MMP16: variants seen among roughly 807,000 people sequenced by gnomAD.
MMP16 encodes matrix metalloproteinase-16.
In MMP16, 12 loss-of-function variants were observed where a neutral mutation model predicts 67.8. The observed-to-expected ratio is 0.18, with a 90% CI of 0.11 to 0.29. MMP16 has a LOEUF of 0.29. MMP16 is among the 10% of genes least tolerant of loss of function. The pLI is 1.00. For missense variants in MMP16, 475 were observed against 765.7 expected (o/e 0.62, Z 4.48); for synonymous variants, 249 against 255.9 (o/e 0.97, Z 0.26).
chr8:88,166,279 TA>T (rs1563551603), intron 4 of MMP16, among the ~76,000 whole-genome samples: 1 of 152,058 alleles, frequency 6.6e-6, no homozygotes, highest in Non-Finnish European at 1.5e-5. Context: ...TGTACACTTA[TA>T]GTTGAATAAC....
chr8:88,249,307 C>A (rs915420865), intron 1 of MMP16, among the ~76,000 whole-genome samples: 1 of 152,004 alleles, frequency 6.6e-6, no homozygotes, highest in Non-Finnish European at 1.5e-5. Flanking sequence ...TGTAATAAGT[C>A]CTGATCAAAT....
chr8:88,221,563 G>T (rs1164194526), intron 1 of MMP16, among the ~76,000 whole-genome samples: 1 of 151,442 alleles, frequency 6.6e-6, no homozygotes, highest in Admixed American at 6.6e-5. Flanking sequence ...CCAGAGAGAA[G>T]AGAATTCTAC....
At chr8:88,102,857 T>C (rs1417438125) in intron 6 of MMP16, among the ~76,000 whole-genome samples, 1 of 151,888 alleles carries the variant, frequency 6.6e-6, no homozygotes, top group Non-Finnish European at 1.5e-5. Context: ...GTCTTCACTC[T>C]TGCCTTTTGG....
intron 4 of MMP16, among the ~76,000 whole-genome samples, chr8:88,136,750 T>C (rs2118490745): frequency 6.6e-6 from 1 of 151,884 alleles, no homozygotes; most frequent in Non-Finnish European, 1.5e-5. Context: ...AAATAAATGG[T>C]TTATATTTTT....
chr8:88,084,478 A>G (rs550340791), intron 6 of MMP16, among the ~76,000 whole-genome samples: 3 of 152,074 alleles, frequency 2.0e-5, no homozygotes, highest in South Asian at 2.1e-4. Flanking sequence ...AAAAAAAAAG[A>G]AAAGAGGCTG....
chr8:88,277,032 A>T (rs1427643855), intron 1 of MMP16, among the ~76,000 whole-genome samples: 2 of 152,150 alleles, frequency 1.3e-5, no homozygotes, highest in African/African-American at 4.8e-5. Context: ...TATATTGGAT[A>T]TTATTAAAAT....
intron 1 of MMP16, among the ~76,000 whole-genome samples, chr8:88,249,308 C>G (rs1364172214): frequency 6.6e-6 from 1 of 152,014 alleles, no homozygotes. Flanking sequence ...GTAATAAGTC[C>G]TGATCAAATA....
intron 4 of MMP16, among the ~76,000 whole-genome samples, chr8:88,165,026 C>T (rs1808688620): frequency 1.3e-5 from 2 of 151,136 alleles, no homozygotes; most frequent in South Asian, 4.2e-4. Flanking sequence ...AGATTTTTTC[C>T]CCAAAACATT....
intron 1 of MMP16, among the ~76,000 whole-genome samples, chr8:88,289,150 A>G (rs1388206743): frequency 6.6e-6 from 1 of 152,146 alleles, no homozygotes; most frequent in Non-Finnish European, 1.5e-5. Context: ...AGAGAGAGAG[A>G]CAGAAGAAGA....
Position 88,197,247 on chromosome 8 carries a change from G to A in MMP16, c.192C>T (p.Arg64=), listed in dbSNP as rs770768930. Reference sequence around the variant, plus strand: ...GGGCAGACTGCATGGTCTCTGCAGAGCGCAGCACTGACATTCTGGGGTCAG... The same window carrying A: ...GGGCAGACTGCATGGTCTCTGCAGAACGCAGCACTGACATTCTGGGGTCAG... ...PPTDPRMSVL[R]SAETMQSALA... Residue 64 remains arginine, a synonymous_variant, in exon 2 of 10, where the codon CGC becomes CGT. Coordinates refer to ENST00000286614, the MANE Select transcript of MMP16 (RefSeq NM_005941.5). 5.0e-6 allele frequency: 8 copies of A among 1,605,696 alleles called. 1 individual carries two copies. The South Asian group carries it at 5.6e-5, about 11-fold the overall frequency.
chr8:88,035,655 C>T lies in MMP16; in HGVS notation c.*5806G>A, dbSNP rs1808045103. On this transcript the variant is annotated 3_prime_UTR_variant, in exon 10 of 10. Coordinates refer to ENST00000286614, the MANE Select transcript of MMP16 (RefSeq NM_005941.5). This position sits in a 1 kb window ranked among gnomAD's most constrained non-coding sequence, Gnocchi z 4.7. The stretch of plus-strand genomic sequence containing the variant: ...CTTAGTATAAATAAATAATATTGTT[C>T]TAATAAATGATGCATGTCACGTCCA... 1.3e-5 allele frequency: 2 copies of T among 151,850 alleles called. No homozygotes were observed. Among genetic ancestry groups the T allele is most frequent in the African/African-American group, 2.4e-5 (1 of 41,392 alleles). 9.4% of individuals were successfully genotyped at this position (151,850 alleles called of 1,614,324 possible).
intron 6 of MMP16, among the ~76,000 whole-genome samples, chr8:88,106,868 C>A (rs2118397948): frequency 6.6e-6 from 1 of 151,008 alleles, no homozygotes; most frequent in African/African-American, 2.4e-5. Flanking sequence ...CAAGTTGATT[C>A]ATAAATATTT....
At chr8:88,209,256 C>G (rs1194121149) in intron 1 of MMP16, among the ~76,000 whole-genome samples, 2 of 152,102 alleles carry the variant, frequency 1.3e-5, no homozygotes, top group Non-Finnish European at 2.9e-5. Flanking sequence ...AACAGCATGA[C>G]CAACCCCTTC....
intron 1 of MMP16, among the ~76,000 whole-genome samples, chr8:88,302,533 C>A (rs907835568): frequency 6.6e-6 from 1 of 152,036 alleles, no homozygotes; most frequent in Admixed American, 6.6e-5. Flanking sequence ...TAAGTAACAA[C>A]CCTAAATCAC....
intron 1 of MMP16, among the ~76,000 whole-genome samples, chr8:88,228,977 A>T (rs1809813622): frequency 1.3e-5 from 2 of 151,700 alleles, no homozygotes; most frequent in Admixed American, 1.3e-4. Context: ...CCTGGGCAAC[A>T]TCTATGACCT....
At position 88,168,726 on chromosome 8, in the gene MMP16, T is replaced by A. The variant is rs992955855; in HGVS notation, c.405-753A>T. 2.6e-5 allele frequency among the ~76,000 whole-genome samples: 4 copies of A among 152,278 alleles called. No homozygotes were observed. In the South Asian group the frequency reaches 8.3e-4, roughly 32 times the overall value. Reference sequence around the variant, plus strand: ...TTCTAAACAACAAAAATGGAACTAGTATTTGTATTTTTTTATATTATAGCA... The same window carrying A: ...TTCTAAACAACAAAAATGGAACTAGAATTTGTATTTTTTTATATTATAGCA... On this transcript the variant is annotated intron_variant, in intron 3 of 9. Transcript: ENST00000286614.
intron 2 of MMP16, among the ~76,000 whole-genome samples, chr8:88,186,826 G>A (rs1338039946): frequency 1.3e-5 from 2 of 152,144 alleles, no homozygotes; most frequent in African/African-American, 4.8e-5. Flanking sequence ...TTACTATTCA[G>A]ATCCTTTAGA....
chr8:88,182,022 C>T lies in MMP16; in HGVS notation c.404+4454G>A, dbSNP rs184639564. Among the ~76,000 whole-genome samples, 145 of 152,024 alleles carry T rather than the reference C, an allele frequency of 9.5e-4. 2 individuals are homozygous for T. The highest frequency in any genetic ancestry group is 3.4e-3 in the African/African-American group (141 of 41,512). On this transcript the variant is annotated intron_variant, in intron 3 of 9. Coordinates refer to ENST00000286614, the MANE Select transcript of MMP16 (RefSeq NM_005941.5). Reference sequence around the variant, plus strand: ...CATTTATTCAAAAGAAATCAGAGACCCAAATGCAAAACATAAAACTACTAA... The same window carrying T: ...CATTTATTCAAAAGAAATCAGAGACTCAAATGCAAAACATAAAACTACTAA...
chr8:88,208,319 A>G (rs1371212243), intron 1 of MMP16, among the ~76,000 whole-genome samples: 1 of 152,188 alleles, frequency 6.6e-6, no homozygotes, highest in Non-Finnish European at 1.5e-5. Context: ...AAAGATAAAC[A>G]CAAGCTGCCA....
Sources: gnomAD v4.1 joint callset for allele counts (sites outside exome capture counted in the v4.1 genomes callset) on GRCh38, gnomAD v4.1.1 for gene constraint, Gnocchi (gnomAD v3.1) non-coding constraint, MANE v1.5 for transcripts, NCBI Gene and HGNC (gene_info 2026-07-23, HGNC 2026-07-21) for gene names.